CACNA2D3: variants seen among roughly 807,000 people sequenced by gnomAD.
CACNA2D3 encodes calcium voltage-gated channel auxiliary subunit alpha2delta 3.
In CACNA2D3, 60 loss-of-function variants were observed where a neutral mutation model predicts 160.6. The ratio of observed to expected loss-of-function variants is 0.37; its 90% confidence interval spans 0.30 to 0.46. CACNA2D3 has a LOEUF of 0.46. Ranked by LOEUF, CACNA2D3 falls within the 20% of genes least tolerant of loss-of-function variation. The pLI is 1.00. For synonymous variants in CACNA2D3, 558 were observed against 492.9 expected (o/e 1.13, Z -1.75); for missense variants, 1,205 against 1,365.0 (o/e 0.88, Z 1.85).
intron 4 of CACNA2D3, among the ~76,000 whole-genome samples, chr3:54,470,954 C>T (rs953409335): frequency 1.3e-5 from 2 of 152,090 alleles, no homozygotes; most frequent in African/African-American, 4.8e-5. Flanking sequence ...GACTCCCACA[C>T]AATAATAATG....
chr3:54,961,375 A>G (rs909549993), intron 27 of CACNA2D3, among the ~76,000 whole-genome samples: 1 of 152,054 alleles, frequency 6.6e-6, no homozygotes, highest in Non-Finnish European at 1.5e-5. Context: ...AAGTCACTCT[A>G]CTCCTAAGAG....
chr3:54,562,030 C>G (rs1702333686), intron 5 of CACNA2D3, among the ~76,000 whole-genome samples: 1 of 152,146 alleles, frequency 6.6e-6, no homozygotes, highest in Non-Finnish European at 1.5e-5. Context: ...CAGGAAAGAC[C>G]TGCCCCACCC....
chr3:54,149,630 A>G (rs1002969024), intron 2 of CACNA2D3, among the ~76,000 whole-genome samples: 2 of 152,170 alleles, frequency 1.3e-5, no homozygotes, highest in Non-Finnish European at 2.9e-5. Context: ...CCTGGAGCCC[A>G]GGGCAGGGCC....
chr3:54,563,720 A>G (rs1702364155), intron 6 of CACNA2D3, among the ~76,000 whole-genome samples: 1 of 152,214 alleles, frequency 6.6e-6, no homozygotes, highest in Admixed American at 6.5e-5. Flanking sequence ...AGGGGGAGAA[A>G]AACCCCACCC....
intron 2 of CACNA2D3, among the ~76,000 whole-genome samples, chr3:54,292,781 G>T (rs1027200955): frequency 6.6e-6 from 1 of 152,172 alleles, no homozygotes; most frequent in Non-Finnish European, 1.5e-5. Flanking sequence ...TCTACAAAAA[G>T]TTAAATATAG....
At position 55,074,286 on chromosome 3, in the gene CACNA2D3, GGTGCAACATACGAGACATGAATATA is replaced by G; in HGVS notation, c.*83_*107del. ...ATGGATAAACTGTGAACCAAAATAT[GGTGCAACATACGAGACATGAATATA>G]GTCCAACCATCAGCATCTCATCATG... On this transcript the variant is annotated 3_prime_UTR_variant, in exon 38 of 38. Transcript: ENST00000474759. 8.9e-7 allele frequency: 1 copy of G among 1,118,416 alleles called. No individual in the cohort carries two copies. The highest frequency in any genetic ancestry group is 1.2e-5 in the South Asian group (1 of 80,594). The allele number at this position is 1,118,416 out of a possible 1,614,324, so 69.3% of individuals were successfully genotyped here. A position where few individuals can be genotyped will look rare whatever the true frequency, so the allele number is the denominator to read the frequency against.
At chr3:54,148,660 A>T (rs2107278162) in intron 2 of CACNA2D3, among the ~76,000 whole-genome samples, 1 of 152,174 alleles carries the variant, frequency 6.6e-6, no homozygotes, top group East Asian at 1.9e-4. Flanking sequence ...TGGGTGGAGG[A>T]TCTGACCAGT....
At chr3:54,651,656 C>T (rs1164141805) in intron 11 of CACNA2D3, among the ~76,000 whole-genome samples, 5 of 152,020 alleles carry the variant, frequency 3.3e-5, no homozygotes, top group Admixed American at 1.3e-4. Context: ...CATGCATCTT[C>T]GAGGAGGGGC....
chr3:54,871,490 A>T, intron 17 of CACNA2D3, 49 bp from the exon 18 acceptor site: 1 of 1,414,196 alleles, frequency 7.1e-7, no homozygotes, highest in Non-Finnish European at 1.0e-6. Context: ...CTGGCTGATG[A>T]CTTCACGGAC....
intron 13 of CACNA2D3, among the ~76,000 whole-genome samples, chr3:54,801,743 G>C (rs1702992295): frequency 6.6e-6 from 1 of 151,966 alleles, no homozygotes; most frequent in South Asian, 2.1e-4. Flanking sequence ...GAAAGTATAT[G>C]TGTTGCCAAG....
chr3:54,123,774 G>C (rs917660012), intron 2 of CACNA2D3, among the ~76,000 whole-genome samples, 180 bp downstream of exon 2: 1 of 152,160 alleles, frequency 6.6e-6, no homozygotes, highest in Non-Finnish European at 1.5e-5. Flanking sequence ...GTTATTTTTA[G>C]ATGACACTTG....
chr3:54,254,323 C>T (rs1367727396), intron 2 of CACNA2D3, among the ~76,000 whole-genome samples: 1 of 152,140 alleles, frequency 6.6e-6, no homozygotes, highest in Non-Finnish European at 1.5e-5. Flanking sequence ...CCAGTGCTTC[C>T]TCCCTACTTG....
intron 11 of CACNA2D3, among the ~76,000 whole-genome samples, chr3:54,727,259 A>G (rs1701294927): frequency 6.6e-6 from 1 of 152,188 alleles, no homozygotes; most frequent in Admixed American, 6.5e-5. Flanking sequence ...AGGAAACAAC[A>G]GATGTGGGAG....
intron 2 of CACNA2D3, among the ~76,000 whole-genome samples, chr3:54,240,849 C>T (rs751466914): frequency 6.6e-6 from 1 of 152,088 alleles, no homozygotes; most frequent in South Asian, 2.1e-4. Flanking sequence ...TCAAGTGATT[C>T]TCCTGTCTCA....
At chr3:54,889,432 G>A (rs1700003702) in intron 24 of CACNA2D3, among the ~76,000 whole-genome samples, 1 of 152,158 alleles carries the variant, frequency 6.6e-6, no homozygotes, top group African/African-American at 2.4e-5. Flanking sequence ...GTCCACTTGT[G>A]GCTTGCTTCA....
chr3:54,449,301 G>T (rs1487036967), intron 4 of CACNA2D3, among the ~76,000 whole-genome samples: 1 of 152,142 alleles, frequency 6.6e-6, no homozygotes, highest in Non-Finnish European at 1.5e-5. Flanking sequence ...TGAAGAATTG[G>T]CTAAATACAG....
At chr3:54,280,400 T>C (rs1378245428) in intron 2 of CACNA2D3, among the ~76,000 whole-genome samples, 3 of 152,114 alleles carry the variant, frequency 2.0e-5, no homozygotes, top group Non-Finnish European at 4.4e-5. Context: ...ATTTAATACA[T>C]ATTTATTAAG....
At chr3:54,185,372 A>G (rs1326534806) in intron 2 of CACNA2D3, among the ~76,000 whole-genome samples, 2 of 152,082 alleles carry the variant, frequency 1.3e-5, no homozygotes, top group Non-Finnish European at 2.9e-5. Flanking sequence ...TTTCCCAAGT[A>G]TTTGCACATT....
chr3:54,854,968 T>C (rs1027073750), intron 17 of CACNA2D3, among the ~76,000 whole-genome samples: 8 of 152,182 alleles, frequency 5.3e-5, no homozygotes, highest in African/African-American at 1.4e-4. Flanking sequence ...TAGGACAGTG[T>C]ATTTTCTTCA....
Sources: allele counts gnomAD v4.1 joint callset (sites outside exome capture counted in the v4.1 genomes callset), GRCh38; gene constraint gnomAD v4.1.1; transcripts MANE v1.5; gene names NCBI Gene and HGNC (gene_info 2026-07-23, HGNC 2026-07-21).